Variants in STARD10 observed in about 807,000 individuals in gnomAD.
STARD10 encodes the protein StAR related lipid transfer domain containing 10, also known as START domain-containing protein 10.
STARD10 carries 24 observed loss-of-function variants against 36.0 expected under a neutral mutation model. The observed-to-expected ratio is 0.67, with a 90% CI of 0.48 to 0.94. The LOEUF is 0.94. STARD10 is among the 40% of genes least tolerant of loss of function. STARD10 has a pLI of 0.00. For missense variants in STARD10, 335 were observed against 396.6 expected (o/e 0.84, Z 1.32); for synonymous variants, 156 against 161.9 (o/e 0.96, Z 0.28).
At chr11:72,773,450 T>C (rs998390455) in intron 2 of STARD10, among the ~76,000 whole-genome samples, 2 of 152,114 alleles carry the variant, frequency 1.3e-5, no homozygotes, top group Non-Finnish European at 2.9e-5. Flanking sequence ...GGAGACATAA[T>C]TGGATCACAG....
Position 72,780,996 on chromosome 11 carries a change from A to G in STARD10, c.186T>C (p.Asp62=). 6.2e-7 allele frequency: 1 copy of G among 1,614,112 alleles called. No homozygotes were observed. The highest frequency in any genetic ancestry group is 2.2e-5 in the East Asian group (1 of 44,874). Residue 62 remains aspartate (D), a synonymous_variant, in exon 2 of 7, where the codon GAT becomes GAC. Transcript: ENST00000334805. ...CTACCTTGATCTTGTGCAGCGTCCG[A>G]TCCATCTCCACAGCCTGCACCCAGA... is the stretch of plus-strand genomic sequence containing the variant. ...VSVWVQAVEM[D]RTLHKIKCRM... is the part of the protein sequence containing the mutation.
chr11:72,789,659 AC>A (rs982734561), intron 1 of STARD10, among the ~76,000 whole-genome samples: 2 of 152,240 alleles, frequency 1.3e-5, no homozygotes, highest in Non-Finnish European at 2.9e-5. Flanking sequence ...GGCTCCCAGG[AC>A]CGCGTGAGGA....
At chr11:72,779,712 G>A (rs956866729) in intron 2 of STARD10, among the ~76,000 whole-genome samples, 3 of 152,166 alleles carry the variant, frequency 2.0e-5, no homozygotes, top group South Asian at 2.1e-4. Context: ...CCTGGGCAGC[G>A]AATCCCAAAG....
chr11:72,781,656 C>T lies in STARD10; in HGVS notation c.-113-362G>A, dbSNP rs917772714. The T allele has an allele frequency of 1.3e-5, 2 of 148,718 alleles. No individual in the cohort carries two copies. The highest frequency in any genetic ancestry group is 3.0e-5 in the Non-Finnish European group (2 of 66,376). The allele number at this position is 148,718 out of a possible 1,614,324, so 9.2% of individuals were successfully genotyped here. On this transcript the variant is annotated intron_variant, in intron 1 of 6. Coordinates refer to ENST00000334805, the MANE Select transcript of STARD10 (RefSeq NM_006645.3). This position sits in a 1 kb window ranked among gnomAD's most constrained non-coding sequence, Gnocchi z 4.7. ...CAGGAGGGGCGCCCTCCAGGCCGGG[C>T]TGCTCACCTTTGCCCGCCGCTCCGC...
At chr11:72,784,611 T>C (rs1054325589) in intron 1 of STARD10, among the ~76,000 whole-genome samples, 3 of 152,118 alleles carry the variant, frequency 2.0e-5, no homozygotes, top group Non-Finnish European at 2.9e-5. Context: ...TCATGGAAGA[T>C]CAAACAATGG....
chr11:72,763,872 T>C (rs1858752403), intron 2 of STARD10, among the ~76,000 whole-genome samples: 1 of 152,136 alleles, frequency 6.6e-6, no homozygotes, highest in African/African-American at 2.4e-5. Context: ...TAGCTGGTGG[T>C]CGCTGTTATT....
chr11:72,757,123 A>C (rs1858655186), intron 5 of STARD10, among the ~76,000 whole-genome samples: 1 of 146,058 alleles, frequency 6.8e-6, no homozygotes, highest in African/African-American at 2.6e-5. Flanking sequence ...CCAGCCTGGG[A>C]AACAAGAGTG....
intron 1 of STARD10, among the ~76,000 whole-genome samples, chr11:72,788,899 A>G (rs988538819): frequency 6.6e-6 from 1 of 152,032 alleles, no homozygotes; most frequent in South Asian, 2.1e-4. Context: ...TCTGTTGCCC[A>G]GACTGGAGTA....
intron 2 of STARD10, 61 bp downstream of exon 2, chr11:72,780,914 G>C: frequency 6.5e-7 from 1 of 1,540,490 alleles, no homozygotes; most frequent in Non-Finnish European, 9.0e-7. Context: ...AGGACCAGGA[G>C]ACTCCGGGAG....
In STARD10 at chr11:72,755,147, G is replaced by A. The variant is rs1163137100; in HGVS notation, c.631-5C>T. On this transcript the variant is annotated splice_region_variant and splice_polypyrimidine_tract_variant and intron_variant, in intron 6 of 6. Coordinates refer to ENST00000334805, the MANE Select transcript of STARD10 (RefSeq NM_006645.3). ...CTTGTACATCTTCTTCATGGCCTGT[G>A]GGCCCGCCGCCCCGCCGGGTCAGGG... The A allele has an allele frequency of 6.2e-7, 1 of 1,608,534 alleles. No individual in the cohort carries two copies. The highest frequency in any genetic ancestry group is 8.5e-7 in the Non-Finnish European group (1 of 1,176,722).
intron 2 of STARD10, among the ~76,000 whole-genome samples, chr11:72,769,334 C>T (rs1858829517): frequency 6.6e-6 from 1 of 152,154 alleles, no homozygotes; most frequent in Non-Finnish European, 1.5e-5. Flanking sequence ...AACTGTTACA[C>T]AGTTAGTGGC....
intron 2 of STARD10, among the ~76,000 whole-genome samples, chr11:72,768,951 C>G (rs1858826081): frequency 6.6e-6 from 1 of 152,224 alleles, no homozygotes; most frequent in Non-Finnish European, 1.5e-5. Flanking sequence ...AATGCTGGAG[C>G]CCTGGTCCGT....
chr11:72,768,919 T>C (rs942017032), intron 2 of STARD10, among the ~76,000 whole-genome samples: 2 of 152,216 alleles, frequency 1.3e-5, no homozygotes, highest in African/African-American at 2.4e-5. Context: ...GCTGAGCCTG[T>C]GTGGGTTTCT....
In STARD10 at chr11:72,759,271, G is replaced by A. The variant is rs1355074783; in HGVS notation, c.318C>T (p.Ala106=). 1.9e-6 allele frequency: 3 copies of A among 1,614,062 alleles called. No individual in the cohort carries two copies. Among genetic ancestry groups the A allele is most frequent in the Non-Finnish European group, 2.5e-6 (3 of 1,180,038 alleles). The change falls in exon 3 of 7, where the codon GCC becomes GCT. Residue 106 remains alanine (A), a synonymous_variant. Transcript: ENST00000334805. ...DSNVIETFDI[A]RLTVNADVGY... ...CCACGTCAGCGTTGACTGTCAAGCG[G>A]GCGATGTCAAAAGTCTCAATGACGT... is the stretch of plus-strand genomic sequence containing the variant.
chr11:72,780,223 C>G (rs1012008900), intron 2 of STARD10: 2 of 421,764 alleles, frequency 4.7e-6, no homozygotes, highest in South Asian at 1.6e-5. Flanking sequence ...GGTCCCAAAC[C>G]CCAAGCCTGC....
intron 2 of STARD10, among the ~76,000 whole-genome samples, chr11:72,769,269 G>A (rs1858829035): frequency 6.6e-6 from 1 of 150,982 alleles, no homozygotes; most frequent in Non-Finnish European, 1.5e-5. Flanking sequence ...AATACTCACT[G>A]CTTATGAGGT....
At chr11:72,782,582 C>T (rs1859019421) in intron 1 of STARD10, 1 of 152,436 alleles carries the variant, frequency 6.6e-6, no homozygotes. Context: ...CACATGCACG[C>T]ACACACGCAC....
chr11:72,780,408 C>A (rs368959124), intron 2 of STARD10: 19 of 451,824 alleles, frequency 4.2e-5, no homozygotes, highest in African/African-American at 3.4e-4. Flanking sequence ...TGGAGCCCTG[C>A]CTTCAGGATC....
At chr11:72,785,211 C>T (rs1036294906) in intron 1 of STARD10, among the ~76,000 whole-genome samples, 1 of 152,074 alleles carries the variant, frequency 6.6e-6, no homozygotes, top group African/African-American at 2.4e-5. Context: ...GCATCTGGCC[C>T]CACCCCCTCC....
Sources: gnomAD v4.1 joint callset for allele counts (sites outside exome capture counted in the v4.1 genomes callset) on GRCh38, gnomAD v4.1.1 for gene constraint, Gnocchi (gnomAD v3.1) non-coding constraint, MANE v1.5 for transcripts, NCBI Gene and HGNC (gene_info 2026-07-23, HGNC 2026-07-21) for gene names.